Variants in ARSF observed in about 807,000 individuals in gnomAD.
ARSF encodes the protein arylsulfatase F.
Under a neutral mutation model 35.4 loss-of-function variants are expected in ARSF, and 33 were observed. The observed-to-expected ratio is 0.93, with a 90% CI of 0.71 to 1.25. The LOEUF (loss-of-function observed/expected upper bound fraction) is 1.25, where lower values mean the gene tolerates loss of function less well. Among genes scored for constraint, ARSF ranks in the 50% most tolerant of loss-of-function variants. ARSF has a pLI of 0.00. For synonymous variants in ARSF, 222 were observed against 193.1 expected (o/e 1.15, Z -1.24); for missense variants, 501 against 480.2 (o/e 1.04, Z -0.40).
At chrX:3,074,406 TCTC>T (rs1231169689) in intron 3 of ARSF, among the ~76,000 whole-genome samples, 1 of 111,234 alleles carries the variant, frequency 9.0e-6, no homozygotes, top group Non-Finnish European at 1.9e-5. Flanking sequence ...AGCTGGAACT[TCTC>T]CTTGCACCAG....
chrX:3,050,884 T>TCAGTGTG (rs1264403608), intron 1 of ARSF, among the ~76,000 whole-genome samples: 1 of 111,632 alleles, frequency 9.0e-6, no homozygotes, highest in Non-Finnish European at 1.9e-5. Flanking sequence ...GTTTTGCTTC[T>TCAGTGTG]CAGTGTGCAT....
At chrX:3,111,503 T>A (rs1301019966) in intron 10 of ARSF, among the ~76,000 whole-genome samples, 3 of 111,008 alleles carry the variant, frequency 2.7e-5, no homozygotes, top group Non-Finnish European at 5.7e-5. Context: ...AATATCCTCC[T>A]TCTAGCTATT....
rs2090284316 is a variant in ARSF at position 3,090,875 on chromosome X, C to T, written c.967+1243C>T. ...GCCTAGGTTGATTTATGTCTTTGCT[C>T]TTGTGAATAGTGCTGTGATGAACAT... On this transcript the variant is annotated intron_variant, in intron 7 of 10. Coordinates refer to ENST00000381127, the MANE Select transcript of ARSF (RefSeq NM_001201539.2). Among the ~76,000 whole-genome samples, 3 of 109,523 alleles carry T rather than the reference C, an allele frequency of 2.7e-5. No homozygotes were observed. In the Admixed American group the frequency reaches 2.9e-4, roughly 11 times the overall value.
intron 1 of ARSF, among the ~76,000 whole-genome samples, chrX:3,043,157 C>CA (rs969953490): frequency 1.1e-4 from 12 of 106,167 alleles, no homozygotes; most frequent in South Asian, 8.1e-4. Context: ...TACTCCATCT[C>CA]AAAAAAAAAG....
At chrX:3,046,024 A>G (rs1024797661) in intron 1 of ARSF, among the ~76,000 whole-genome samples, 15 of 110,515 alleles carry the variant, frequency 1.4e-4, no homozygotes, top group Non-Finnish European at 2.5e-4. Context: ...CTGGGATTAC[A>G]GGCATGTGCC....
chrX:3,073,214 ATT>A (rs1374688884), intron 3 of ARSF, among the ~76,000 whole-genome samples: 1 of 93,621 alleles, frequency 1.1e-5, no homozygotes, highest in African/African-American at 3.6e-5. Context: ...ATCAATATAT[ATT>A]GATAATATAT....
At chrX:3,082,178 T>C (rs2090206439) in intron 5 of ARSF, among the ~76,000 whole-genome samples, 1 of 111,810 alleles carries the variant, frequency 8.9e-6, no homozygotes, top group Non-Finnish European at 1.9e-5. Flanking sequence ...CCTTTGGTGA[T>C]CATTCAAGGT....
chrX:3,087,276 A>T (rs1438192482), intron 6 of ARSF, among the ~76,000 whole-genome samples: 3 of 112,198 alleles, frequency 2.7e-5, no homozygotes, highest in African/African-American at 6.5e-5. Context: ...TTGGCAGCTT[A>T]GTTTGGGATG....
intron 5 of ARSF, among the ~76,000 whole-genome samples, chrX:3,082,119 C>T (rs1408107875): frequency 9.0e-6 from 1 of 111,289 alleles, no homozygotes; most frequent in Non-Finnish European, 1.9e-5. Flanking sequence ...ATTATCGCAG[C>T]CTCTGAGGGT....
chrX:3,104,360 G>A (rs2090399331), intron 9 of ARSF, among the ~76,000 whole-genome samples: 1 of 111,243 alleles, frequency 9.0e-6, no homozygotes, highest in African/African-American at 3.3e-5. Context: ...TAACATAATG[G>A]CCACCAGTTC....
At chrX:3,079,813 G>A (rs776599086) in intron 4 of ARSF, among the ~76,000 whole-genome samples, 2 of 106,663 alleles carry the variant, frequency 1.9e-5, no homozygotes, top group South Asian at 8.9e-4. Context: ...TACAAAATTA[G>A]CTGGGCATGG....
intron 1 of ARSF, among the ~76,000 whole-genome samples, chrX:3,059,501 C>T (rs746261501): frequency 9.8e-5 from 11 of 112,542 alleles, no homozygotes; most frequent in African/African-American, 3.5e-4. Context: ...ATTGCCTCAC[C>T]TGGGAAGTGT....
chrX:3,104,955 T>C (rs1346138699), intron 9 of ARSF, among the ~76,000 whole-genome samples: 1 of 111,689 alleles, frequency 9.0e-6, no homozygotes, highest in Non-Finnish European at 1.9e-5. Context: ...ATGAATACTT[T>C]GAATTTCTTC....
Position 3,084,254 on chromosome X carries a change from C to T in ARSF, c.418C>T (p.Gln140Ter). The part of the protein sequence containing the change: ...YSTGLIGKWH[Q>*]GLNCDSRSDQ... ...GTGTTTGGTTTTAGGCAAATGGCAC[C>T]AAGGCTTGAACTGCGACTCCCGAAG... Residue 140 changes from glutamine to a stop codon, truncating the protein, a stop_gained, in exon 6 of 11, where the codon CAA (glutamine) becomes TAA (stop). Transcript: ENST00000381127. LOFTEE classifies it high-confidence loss of function. 8.3e-7 allele frequency: 1 copy of T among 1,209,914 alleles called. No individual in the cohort carries two copies. Among genetic ancestry groups the T allele is most frequent in the Non-Finnish European group, 1.1e-6 (1 of 894,110 alleles).
chrX:3,046,205 C>A (rs12849258), intron 1 of ARSF, among the ~76,000 whole-genome samples: 1 of 111,254 alleles, frequency 9.0e-6, no homozygotes, highest in South Asian at 3.8e-4. Flanking sequence ...TTACTGTACA[C>A]GTGGTGACAA....
intron 7 of ARSF, among the ~76,000 whole-genome samples, chrX:3,090,841 T>C (rs2090284074): frequency 8.9e-6 from 1 of 111,782 alleles, no homozygotes; most frequent in African/African-American, 3.3e-5. Context: ...CAATCCACCA[T>C]TGATGGGTGC....
Position 3,097,943 on chromosome X carries a change from C to T in ARSF, c.968-3144C>T, listed in dbSNP as rs1426887126. Among the ~76,000 whole-genome samples the T allele has an allele frequency of 2.7e-5, 3 of 109,398 alleles. No individual in the cohort carries two copies. In the Admixed American group the frequency reaches 3.0e-4, roughly 11 times the overall value. 95.0% of individuals were successfully genotyped at this position (109,398 alleles called of 115,157 possible). A position where few individuals can be genotyped will look rare whatever the true frequency, so the allele number is the denominator to read the frequency against. Reference sequence around the variant, plus strand: ...AGGAGAAATGCTTGAACCTGCGAAGCGGAGGTTGCAGTGAGCTGAGATCGT... The same window carrying T: ...AGGAGAAATGCTTGAACCTGCGAAGTGGAGGTTGCAGTGAGCTGAGATCGT... On this transcript the variant is annotated intron_variant, in intron 7 of 10. Coordinates refer to ENST00000381127, the MANE Select transcript of ARSF (RefSeq NM_001201539.2).
intron 7 of ARSF, among the ~76,000 whole-genome samples, chrX:3,092,263 A>C (rs2090299278): frequency 9.0e-6 from 1 of 111,371 alleles, no homozygotes; most frequent in African/African-American, 3.3e-5. Flanking sequence ...TTCTGCCTCC[A>C]CCAGCACTAG....
chrX:3,090,537 A>G (rs2090281466), intron 7 of ARSF, among the ~76,000 whole-genome samples: 1 of 111,639 alleles, frequency 9.0e-6, no homozygotes, highest in Non-Finnish European at 1.9e-5. Flanking sequence ...GTGTGGTGGC[A>G]TGTGCCTGTA....
Sources: allele counts gnomAD v4.1 joint callset (sites outside exome capture counted in the v4.1 genomes callset), GRCh38; gene constraint gnomAD v4.1.1; transcripts MANE v1.5; gene names NCBI Gene and HGNC (gene_info 2026-07-23, HGNC 2026-07-21).